The following ANKFN1 variants were observed in gnomAD, a reference collection of about 807,000 sequenced individuals.
ANKFN1 encodes ankyrin repeat and fibronectin type-III domain-containing protein 1.
A neutral mutation model predicts 108.7 loss-of-function variants in ANKFN1; 74 were observed. The ratio of observed to expected loss-of-function variants is 0.68; its 90% CI spans 0.56 to 0.83. ANKFN1 has a LOEUF of 0.83. ANKFN1 is among the 40% of genes least tolerant of loss of function. The probability of loss-of-function intolerance (pLI) is 0.00; values close to 1 mark genes in which losing one functional copy is unlikely to be tolerated. For missense variants in ANKFN1, 1,505 were observed against 1,382.3 expected (o/e 1.09, Z -1.41); for synonymous variants, 547 against 516.2 (o/e 1.06, Z -0.81).
intron 18 of ANKFN1, among the ~76,000 whole-genome samples, chr17:56,484,876 G>T (rs1413079932): frequency 6.6e-6 from 1 of 152,114 alleles, no homozygotes; most frequent in African/African-American, 2.4e-5. Context: ...CTTTGGTGGG[G>T]ACAATCTACA....
chr17:56,298,260 A>G (rs182038493), intron 3 of ANKFN1, among the ~76,000 whole-genome samples: 139 of 152,364 alleles, frequency 9.1e-4, no homozygotes, highest in African/African-American at 3.2e-3. Flanking sequence ...TCTCTCTATT[A>G]TAGAATTATG....
At chr17:56,437,868 A>G (rs1227631437) in intron 8 of ANKFN1, among the ~76,000 whole-genome samples, 1 of 152,172 alleles carries the variant, frequency 6.6e-6, no homozygotes, top group Non-Finnish European at 1.5e-5. Context: ...GATTCTAACT[A>G]GATGGTATAA....
intron 14 of ANKFN1, among the ~76,000 whole-genome samples, chr17:56,460,818 C>T (rs2047329755): frequency 6.6e-6 from 1 of 152,096 alleles, no homozygotes; most frequent in African/African-American, 2.4e-5. Flanking sequence ...CCCACATGCC[C>T]CTTCAGCTAC....
At chr17:56,083,851 A>T (rs1319967012) in intron 4 of ANKFN1, among the ~76,000 whole-genome samples, 1 of 151,436 alleles carries the variant, frequency 6.6e-6, no homozygotes, top group African/African-American at 2.4e-5. Flanking sequence ...GCACTTGCCT[A>T]TTCTTGAGTA....
rs765794574 is a variant in ANKFN1, at chr17:56,477,477, T to A, written c.1774-11T>A. The A allele has an allele frequency of 8.4e-6, 12 of 1,430,856 alleles. No homozygotes were observed. The highest frequency in any genetic ancestry group is 5.9e-5 in the African/African-American group (4 of 67,916). 88.6% of individuals were successfully genotyped at this position (1,430,856 alleles called of 1,614,324 possible). ...CTTGTTTTCTTTTTTTTTTTTTTTT[T>A]AACCCTACAGGATATTCTATCCTAT... On this transcript the variant is annotated splice_polypyrimidine_tract_variant and intron_variant, in intron 15 of 20. Coordinates refer to ENST00000682825, the MANE Select transcript of ANKFN1 (RefSeq NM_001370326.1).
chr17:56,378,609 A>G (rs1315718053), intron 8 of ANKFN1, among the ~76,000 whole-genome samples: 1 of 152,232 alleles, frequency 6.6e-6, no homozygotes, highest in Admixed American at 6.5e-5. Flanking sequence ...ATACAATTCC[A>G]CAAAGCAAAA....
intron 1 of ANKFN1, among the ~76,000 whole-genome samples, chr17:56,160,231 T>C (rs999989008): frequency 6.6e-6 from 1 of 152,194 alleles, no homozygotes; most frequent in African/African-American, 2.4e-5. Context: ...AAGAGGATGA[T>C]TGATGGTAAA....
chr17:56,087,039 A>G (rs1191921706), intron 4 of ANKFN1, among the ~76,000 whole-genome samples: 3 of 151,306 alleles, frequency 2.0e-5, no homozygotes, highest in Non-Finnish European at 4.4e-5. Flanking sequence ...GGTACACAGG[A>G]AACACTTATG....
At chr17:56,504,726 G>A (rs532443424) in intron 20 of ANKFN1, among the ~76,000 whole-genome samples, 211 of 152,016 alleles carry the variant, frequency 1.4e-3, no homozygotes, top group African/African-American at 5.0e-3. Context: ...CACAAATTTG[G>A]CTCACTGCAA....
At chr17:56,129,570 A>G (rs1598118656) in intron 4 of ANKFN1, among the ~76,000 whole-genome samples, 1 of 152,346 alleles carries the variant, frequency 6.6e-6, no homozygotes, top group Middle Eastern at 3.4e-3. Context: ...TAAATGAAAC[A>G]TAAGGTTACT....
intron 6 of ANKFN1, chr17:56,368,231 G>A (rs1471689871): frequency 1.0e-6 from 1 of 999,562 alleles, no homozygotes; most frequent in Non-Finnish European, 1.3e-6. Context: ...TTTATCAAGA[G>A]GTATAAAACA....
At chr17:56,056,249 A>G (rs1011349080) in intron 4 of ANKFN1, among the ~76,000 whole-genome samples, 1 of 152,028 alleles carries the variant, frequency 6.6e-6, no homozygotes, top group African/African-American at 2.4e-5. Context: ...CATACTGCTA[A>G]AAATACTCTA....
At chr17:56,371,599 A>C (rs2046812331) in intron 6 of ANKFN1, among the ~76,000 whole-genome samples, 1 of 152,226 alleles carries the variant, frequency 6.6e-6, no homozygotes, top group Non-Finnish European at 1.5e-5. Flanking sequence ...ACAGATCTGT[A>C]GGACTTTAGT....
At chr17:56,202,870 A>C (rs1041901355) in intron 1 of ANKFN1, among the ~76,000 whole-genome samples, 127 of 152,376 alleles carry the variant, frequency 8.3e-4, no homozygotes, top group African/African-American at 2.9e-3. Flanking sequence ...TAAAAAATCA[A>C]AACTGTATTT....
At chr17:56,483,730 T>C (rs930410707) in intron 18 of ANKFN1, among the ~76,000 whole-genome samples, 3 of 152,320 alleles carry the variant, frequency 2.0e-5, no homozygotes, top group Admixed American at 6.5e-5. Flanking sequence ...GGCCTGGATG[T>C]GAATGTGACC....
intron 4 of ANKFN1, among the ~76,000 whole-genome samples, chr17:56,063,175 C>G (rs986463915): frequency 1.3e-5 from 2 of 152,026 alleles, no homozygotes; most frequent in Non-Finnish European, 2.9e-5. Flanking sequence ...TCAGGCTGCC[C>G]TTAACATTTT....
At chr17:56,090,814 C>T (rs563744273) in intron 4 of ANKFN1, among the ~76,000 whole-genome samples, 2 of 151,220 alleles carry the variant, frequency 1.3e-5, no homozygotes, top group South Asian at 2.1e-4. Flanking sequence ...CCCTATGTTG[C>T]CTAGGCTGGT....
intron 8 of ANKFN1, among the ~76,000 whole-genome samples, chr17:56,416,712 C>T: frequency 6.6e-6 from 1 of 152,192 alleles, no homozygotes; most frequent in East Asian, 1.9e-4. Context: ...TAGATATATA[C>T]ACAAAAGAAA....
rs1050049543 is a variant in ANKFN1 at position 56,052,858 on chromosome 17, T to C, written c.288+6533T>C. On this transcript the variant is annotated intron_variant, in intron 4 of 12. Transcript: ENST00000635860. ...ATGCCAGCCAGCAGATAAGAAGGCA[T>C]TGCAGAAGAGAAAAGGGTCTCATGC... 7.2e-5 allele frequency among the ~76,000 whole-genome samples: 11 copies of C among 152,264 alleles called. 1 individual carries two copies. The highest frequency in any genetic ancestry group is 6.5e-4 in the Admixed American group (10 of 15,290).
Sources: gnomAD v4.1 joint callset for allele counts (sites outside exome capture counted in the v4.1 genomes callset) on GRCh38, gnomAD v4.1.1 for gene constraint, MANE v1.5 for transcripts, NCBI Gene and HGNC (gene_info 2026-07-23, HGNC 2026-07-21) for gene names.